The following TRAPPC12 variants were observed in gnomAD, a reference collection of about 807,000 sequenced individuals.
TRAPPC12 encodes the protein TPR repeat protein 15.
TRAPPC12 carries 61 observed loss-of-function variants against 69.2 expected under a neutral mutation model. The observed-to-expected ratio is 0.88, with a 90% CI of 0.72 to 1.09. The LOEUF (loss-of-function observed/expected upper bound fraction) is 1.09. TRAPPC12 is among the 50% of genes least tolerant of loss of function. The pLI is 0.00. For synonymous variants in TRAPPC12, 469 were observed against 438.9 expected (o/e 1.07, Z -0.86); for missense variants, 1,101 against 1,016.4 (o/e 1.08, Z -1.13).
Position 3,459,604 on chromosome 2 carries a change from G to A in TRAPPC12, c.1604-659G>A, listed in dbSNP as rs543496399. Among the ~76,000 whole-genome samples, 6 of 152,324 alleles carry A rather than the reference G, an allele frequency of 3.9e-5. No individual in the cohort carries two copies. The South Asian group carries it at 1.2e-3, about 32-fold the overall frequency. ...GGCTGCTAACTAAATAATGTGCAGGGGAGAGCAGGGAGGGACGGGCCAGGC... is the reference window on the plus strand; with the variant it reads ...GGCTGCTAACTAAATAATGTGCAGGAGAGAGCAGGGAGGGACGGGCCAGGC... On this transcript the variant is annotated intron_variant, in intron 7 of 11. Coordinates refer to ENST00000324266, the MANE Select transcript of TRAPPC12 (RefSeq NM_016030.6).
rs555475777 is a variant in TRAPPC12 at position 3,390,435 on chromosome 2, G to A, written c.1047+1765G>A. Among the ~76,000 whole-genome samples the A allele has an allele frequency of 4.6e-5, 7 of 152,324 alleles. No individual in the cohort carries two copies. The East Asian group carries it at 1.2e-3, about 25-fold the overall frequency. ...TCATACTTCTATACATATACCAGCT[G>A]TTGAGATGTCTATCAGGGTGGTTTG... On this transcript the variant is annotated intron_variant, in intron 2 of 11. Coordinates refer to ENST00000324266, the MANE Select transcript of TRAPPC12 (RefSeq NM_016030.6).
intron 2 of TRAPPC12, among the ~76,000 whole-genome samples, chr2:3,398,392 G>A (rs1661241945): frequency 6.6e-6 from 1 of 152,112 alleles, no homozygotes; most frequent in South Asian, 2.1e-4. Flanking sequence ...TAATTGTTGT[G>A]GTTTTTTTGT....
intron 5 of TRAPPC12, among the ~76,000 whole-genome samples, chr2:3,438,743 G>A (rs900089443): frequency 3.9e-5 from 6 of 152,020 alleles, no homozygotes; most frequent in Admixed American, 6.6e-5. Flanking sequence ...TTAGGGTTCC[G>A]CTGTCTTTTT....
At chr2:3,477,843 C>T (rs1266012724) in intron 10 of TRAPPC12, 48 bp downstream of exon 10, 12 of 1,333,694 alleles carry the variant, frequency 9.0e-6, no homozygotes, top group South Asian at 2.8e-5. Flanking sequence ...TTCCCAGAGG[C>T]GTTCAAGCCC....
At chr2:3,458,330 G>A (rs1185217752) in intron 7 of TRAPPC12, 3 of 986,262 alleles carry the variant, frequency 3.0e-6, no homozygotes, top group South Asian at 4.7e-5. Flanking sequence ...CCCCACCCTA[G>A]CCTCACTCCC....
At chr2:3,384,558 C>T (rs993938916) in intron 1 of TRAPPC12, among the ~76,000 whole-genome samples, 2 of 152,166 alleles carry the variant, frequency 1.3e-5, no homozygotes, top group African/African-American at 4.8e-5. Flanking sequence ...TCTTGTGCAT[C>T]TATTGAGATA....
intron 9 of TRAPPC12, chr2:3,472,439 C>T (rs1298287240): frequency 6.6e-6 from 1 of 152,202 alleles, no homozygotes; most frequent in African/African-American, 2.4e-5. Flanking sequence ...CAGAGACCTT[C>T]AAATAGAAAA....
rs375913587 is a variant in TRAPPC12, at chr2:3,406,034, T to G, written c.1164+4141T>G. On this transcript the variant is annotated intron_variant, in intron 3 of 11. Transcript: ENST00000324266. Reference sequence around the variant, plus strand: ...TCCAGCATGAATCCCTCAGGCCTCTTGCCCCAGAGCAAAGTTCCCAGCTGT... The same window carrying G: ...TCCAGCATGAATCCCTCAGGCCTCTGGCCCCAGAGCAAAGTTCCCAGCTGT... Among the ~76,000 whole-genome samples the G allele has an allele frequency of 1.8e-4, 27 of 152,260 alleles. No individual in the cohort carries two copies. The South Asian group carries it at 5.6e-3, about 32-fold the overall frequency.
At chr2:3,434,748 G>A (rs1054370938) in intron 5 of TRAPPC12, among the ~76,000 whole-genome samples, 6 of 152,216 alleles carry the variant, frequency 3.9e-5, no homozygotes, top group Non-Finnish European at 8.8e-5. Context: ...CCTGGTGGCC[G>A]TATGTTGGCA....
intron 9 of TRAPPC12, among the ~76,000 whole-genome samples, chr2:3,475,484 T>G (rs1461869030): frequency 1.3e-5 from 2 of 148,152 alleles, no homozygotes; most frequent in Admixed American, 6.7e-5. Context: ...TTTAATTGCA[T>G]TTTTATGTTT....
At chr2:3,460,096 C>T in intron 7 of TRAPPC12, 167 bp from the exon 8 acceptor site, 3 of 696,164 alleles carry the variant, frequency 4.3e-6, no homozygotes, top group Non-Finnish European at 7.9e-6. Flanking sequence ...GCTGTATTTT[C>T]TGCCTCAGTG....
intron 3 of TRAPPC12, among the ~76,000 whole-genome samples, chr2:3,417,261 A>T (rs1662468106): frequency 6.6e-6 from 1 of 151,370 alleles, no homozygotes; most frequent in Non-Finnish European, 1.5e-5. Flanking sequence ...TCAGATTTCC[A>T]CGTTAGTGTT....
At chr2:3,420,795 G>A (rs1304237353) in intron 3 of TRAPPC12, among the ~76,000 whole-genome samples, 2 of 152,214 alleles carry the variant, frequency 1.3e-5, no homozygotes, top group Admixed American at 6.5e-5. Context: ...TGCAGGAGGC[G>A]TGGAAAGGGA....
intron 5 of TRAPPC12, among the ~76,000 whole-genome samples, chr2:3,438,687 C>T (rs1453674607): frequency 6.6e-6 from 1 of 151,914 alleles, no homozygotes; most frequent in African/African-American, 2.4e-5. Flanking sequence ...TGGAATCATA[C>T]AGTATGTGGT....
chr2:3,423,469 T>C (rs1230869519), intron 4 of TRAPPC12, among the ~76,000 whole-genome samples: 3 of 152,150 alleles, frequency 2.0e-5, no homozygotes, highest in Non-Finnish European at 4.4e-5. Flanking sequence ...TTGTTTCCTT[T>C]GACTAACATC....
intron 3 of TRAPPC12, among the ~76,000 whole-genome samples, chr2:3,412,180 A>G (rs1196958724): frequency 6.6e-6 from 1 of 152,234 alleles, no homozygotes. Flanking sequence ...GCAATGCATT[A>G]GATGCGGCCA....
intron 5 of TRAPPC12, among the ~76,000 whole-genome samples, chr2:3,435,362 A>T (rs568158099): frequency 6.6e-6 from 1 of 152,256 alleles, no homozygotes; most frequent in African/African-American, 2.4e-5. Flanking sequence ...GCTCATTAAC[A>T]TTTTTTTAAA....
At chr2:3,450,908 A>T (rs903771480) in intron 6 of TRAPPC12, among the ~76,000 whole-genome samples, 3 of 152,132 alleles carry the variant, frequency 2.0e-5, no homozygotes, top group Admixed American at 2.0e-4. Context: ...CCAAAGGGAC[A>T]GACGCAAAGG....
intron 5 of TRAPPC12, among the ~76,000 whole-genome samples, chr2:3,426,303 A>G (rs1663097280): frequency 6.6e-6 from 1 of 152,232 alleles, no homozygotes; most frequent in South Asian, 2.1e-4. Flanking sequence ...AAGTGAACCA[A>G]CCAAGCTAGG....
Sources: gnomAD v4.1 joint callset for allele counts (sites outside exome capture counted in the v4.1 genomes callset) on GRCh38, gnomAD v4.1.1 for gene constraint, MANE v1.5 for transcripts, NCBI Gene and HGNC (gene_info 2026-07-23, HGNC 2026-07-21) for gene names.